The following HMGB1 variants were observed in gnomAD, a reference collection of about 807,000 sequenced individuals.
HMGB1 encodes the protein high mobility group box 1.
For synonymous variants in HMGB1, 81 were observed against 84.0 expected (o/e 0.96, Z 0.19); for missense variants, 79 against 253.5 (o/e 0.31, Z 4.67).
intron 1 of HMGB1, among the ~76,000 whole-genome samples, chr13:30,567,463 C>T (rs536400989): frequency 3.3e-5 from 5 of 151,888 alleles, no homozygotes; most frequent in African/African-American, 9.7e-5. Context: ...AATTCTCCTG[C>T]CTCAGTCTCC....
intron 1 of HMGB1, among the ~76,000 whole-genome samples, chr13:30,497,570 C>T (rs1354977559): frequency 6.6e-6 from 1 of 151,790 alleles, no homozygotes; most frequent in African/African-American, 2.4e-5. Flanking sequence ...AAGCATGGTG[C>T]CTGACGGGTA....
chr13:30,534,616 C>CTTTTTTTTTT (rs1216929821), intron 1 of HMGB1, among the ~76,000 whole-genome samples: 1 of 124,724 alleles, frequency 8.0e-6, no homozygotes, highest in Non-Finnish European at 1.7e-5. Flanking sequence ...GTTCAAGCTG[C>CTTTTTTTTTT]TTTTTTTTTT....
chr13:30,590,892 G>T (rs1205182533), intron 1 of HMGB1, among the ~76,000 whole-genome samples: 1 of 152,162 alleles, frequency 6.6e-6, no homozygotes, highest in Admixed American at 6.6e-5. Flanking sequence ...GGGCTTCTCA[G>T]CCTACAGAAC....
intron 1 of HMGB1, among the ~76,000 whole-genome samples, chr13:30,567,490 C>G (rs1163904520): frequency 6.6e-6 from 1 of 152,032 alleles, no homozygotes; most frequent in African/African-American, 2.4e-5. Flanking sequence ...GCTGGGATTA[C>G]AGGTGTGCAC....
At chr13:30,505,420 A>C (rs9508763) in intron 1 of HMGB1, among the ~76,000 whole-genome samples, 5,738 of 149,696 alleles carry the variant, frequency 0.038, 120 homozygotes, top group Non-Finnish European at 0.05. Flanking sequence ...CCTCGTGATC[A>C]GCCCACCTTG....
At chr13:30,480,523 G>T (rs528504797) in intron 1 of HMGB1, among the ~76,000 whole-genome samples, 1 of 152,318 alleles carries the variant, frequency 6.6e-6, no homozygotes, top group South Asian at 2.1e-4. Flanking sequence ...GCACTCAGCT[G>T]TAGGTTTTAC....
intron 1 of HMGB1, among the ~76,000 whole-genome samples, chr13:30,505,118 C>T (rs1040322681): frequency 2.0e-5 from 3 of 147,426 alleles, no homozygotes; most frequent in Admixed American, 6.8e-5. Flanking sequence ...CTACAGGCGC[C>T]GCCACCATGC....
intron 1 of HMGB1, among the ~76,000 whole-genome samples, chr13:30,576,377 T>G (rs1319505311): frequency 1.3e-5 from 2 of 152,120 alleles, no homozygotes; most frequent in Non-Finnish European, 2.9e-5. Flanking sequence ...CTTTTGGTCC[T>G]ACTGGGCAAT....
intron 1 of HMGB1, among the ~76,000 whole-genome samples, chr13:30,531,021 C>T (rs61003188): frequency 0.17 from 25,849 of 152,050 alleles, 2,769 homozygotes; most frequent in African/African-American, 0.3. Context: ...CACTCCAGAC[C>T]GGGCAAGAGT....
At chr13:30,509,721 T>C (rs1238192597) in intron 1 of HMGB1, among the ~76,000 whole-genome samples, 7 of 152,192 alleles carry the variant, frequency 4.6e-5, no homozygotes, top group Non-Finnish European at 7.4e-5. Flanking sequence ...ACTATAGTGG[T>C]AAAATATTGG....
At chr13:30,472,853 CT>C (rs11434170) in intron 1 of HMGB1, among the ~76,000 whole-genome samples, 61,728 of 144,568 alleles carry the variant, frequency 0.43, 12,919 homozygotes, top group Admixed American at 0.49. Flanking sequence ...ATACTGAAAA[CT>C]TTTTTTTTTT....
chr13:30,590,388 C>T (rs904846668), intron 1 of HMGB1, among the ~76,000 whole-genome samples: 6 of 152,026 alleles, frequency 3.9e-5, no homozygotes, highest in Admixed American at 1.3e-4. Context: ...TTGGTAGAGA[C>T]GGCGTTTCAC....
At chr13:30,576,568 A>G (rs1389646832) in intron 1 of HMGB1, among the ~76,000 whole-genome samples, 1 of 151,416 alleles carries the variant, frequency 6.6e-6, no homozygotes, top group Non-Finnish European at 1.5e-5. Flanking sequence ...TGCCTCGTAA[A>G]TATTTTTCCA....
At chr13:30,569,966 G>T (rs1429079067) in intron 1 of HMGB1, among the ~76,000 whole-genome samples, 1 of 152,178 alleles carries the variant, frequency 6.6e-6, no homozygotes, top group East Asian at 1.9e-4. Context: ...AGCCTGCCTA[G>T]AAGTTTGTAA....
intron 1 of HMGB1, among the ~76,000 whole-genome samples, chr13:30,508,375 G>T (rs921722482): frequency 6.6e-6 from 1 of 152,000 alleles, no homozygotes; most frequent in African/African-American, 2.4e-5. Flanking sequence ...AGCTGGGCGT[G>T]GGGGTGTATG....
chr13:30,465,750 AGCTGCCGGAGGCGCTCTCCCCGCCGCGGC>A lies in HMGB1; in HGVS notation c.-15+17_-15+45del. 1.0e-6 allele frequency: 1 copy of A among 969,364 alleles called. No individual in the cohort carries two copies. Among genetic ancestry groups the A allele is most frequent in the Non-Finnish European group, 1.2e-6 (1 of 816,578 alleles). 60.0% of individuals were successfully genotyped at this position (969,364 alleles called of 1,614,324 possible). A position where few individuals can be genotyped will look rare whatever the true frequency, so the allele number is the denominator to read the frequency against. On this transcript the variant is annotated intron_variant, in intron 1 of 4. Transcript: ENST00000341423. The stretch of plus-strand genomic sequence containing the variant: ...GATCCGGCCGCCGCGCGGGCTGGGG[AGCTGCCGGAGGCGCTCTCCCCGCCGCGGC>A]GCTGCCCCAGACTCACCCTCAGCGA...
At chr13:30,568,275 G>T (rs1280880354) in intron 1 of HMGB1, among the ~76,000 whole-genome samples, 1 of 152,176 alleles carries the variant, frequency 6.6e-6, no homozygotes, top group African/African-American at 2.4e-5. Context: ...GAGAAGCCAA[G>T]GTGGGAGAAT....
At chr13:30,549,338 A>G (rs1039463061) in intron 1 of HMGB1, among the ~76,000 whole-genome samples, 1 of 152,286 alleles carries the variant, frequency 6.6e-6, no homozygotes, top group Non-Finnish European at 1.5e-5. Flanking sequence ...TCTGTATTTG[A>G]CAGATTCTAA....
intron 1 of HMGB1, among the ~76,000 whole-genome samples, chr13:30,486,406 C>T (rs745882382): frequency 4.6e-5 from 7 of 152,136 alleles, no homozygotes; most frequent in Non-Finnish European, 7.4e-5. Flanking sequence ...CAACATTTGC[C>T]GGCTCTGGGG....
Sources: gnomAD v4.1 joint callset for allele counts (sites outside exome capture counted in the v4.1 genomes callset) on GRCh38, gnomAD v4.1.1 for gene constraint, MANE v1.5 for transcripts, NCBI Gene and HGNC (gene_info 2026-07-23, HGNC 2026-07-21) for gene names.